Variants in AHR observed in about 807,000 individuals in gnomAD.
AHR encodes AH-receptor.
In AHR, 40 loss-of-function variants were observed where a neutral mutation model predicts 86.8. The ratio of observed to expected loss-of-function variants is 0.46; its 90% confidence interval spans 0.36 to 0.60. The LOEUF (loss-of-function observed/expected upper bound fraction) is 0.60. AHR is among the 20% of genes least tolerant of loss of function. The pLI, the probability that AHR is intolerant of heterozygous loss-of-function variation, is 0.00. For synonymous variants in AHR, 398 were observed against 354.9 expected (o/e 1.12, Z -1.37); for missense variants, 1,001 against 1,011.6 (o/e 0.99, Z 0.14).
chr7:17,330,231 G>T (rs959157337), intron 5 of AHR, among the ~76,000 whole-genome samples, 156 bp downstream of exon 5: 1 of 151,860 alleles, frequency 6.6e-6, no homozygotes, highest in African/African-American at 2.4e-5. Context: ...GTCACAAAGA[G>T]CCTGATGAGC....
Position 17,334,110 on chromosome 7 carries a change from G to A in AHR, c.904G>A (p.Ala302Thr). ...KLDFTPIGCD[A>T]KGRIVLGYTE... ...AGACTTCACACCTATTGGTTGTGATGCCAAGTAAGTGAGACTTTTTCACTT... is the reference window on the plus strand; with the variant it reads ...AGACTTCACACCTATTGGTTGTGATACCAAGTAAGTGAGACTTTTTCACTT... Residue 302 changes from alanine to threonine, a missense_variant, in exon 7 of 11, where the codon GCC becomes ACC. Around this residue, in one of 2 missense-constraint regions of AHR, gnomAD observed 394 missense variants for 468.5 expected, o/e 0.84. Coordinates refer to ENST00000242057, the MANE Select transcript of AHR (RefSeq NM_001621.5). 1 of 1,611,578 alleles carries A rather than the reference G, an allele frequency of 6.2e-7. No individual in the cohort carries two copies. The highest frequency in any genetic ancestry group is 8.5e-7 in the Non-Finnish European group (1 of 1,178,010).
chr7:17,322,393 T>G, intron 2 of AHR, 108 bp from the exon 3 acceptor site: 1 of 687,490 alleles, frequency 1.5e-6, no homozygotes, highest in South Asian at 1.9e-5. Flanking sequence ...AAAATACCAG[T>G]GGATGCCAGT....
At chr7:17,314,142 A>G (rs1782093001) in intron 2 of AHR, among the ~76,000 whole-genome samples, 1 of 152,112 alleles carries the variant, frequency 6.6e-6, no homozygotes, top group Admixed American at 6.6e-5. Flanking sequence ...GTTTACATAC[A>G]AACACCTAAT....
chr7:17,337,761 C>T (rs1782370220), intron 9 of AHR, among the ~76,000 whole-genome samples: 2 of 151,752 alleles, frequency 1.3e-5, no homozygotes, highest in Admixed American at 1.3e-4. Context: ...AGGCGTGAGC[C>T]ACCGCGCCCG....
chr7:17,340,099 A>G lies in AHR; in HGVS notation c.2274A>G (p.Ile758Met), dbSNP rs1373428541. 2.5e-6 allele frequency: 4 copies of G among 1,614,072 alleles called. No homozygotes were observed. In the African/African-American group the frequency reaches 5.3e-5, roughly 22 times the overall value. Residue 758 changes from isoleucine to methionine, a missense_variant, in exon 10 of 11, where the codon ATA becomes ATG. This residue lies in a region of AHR where 607 missense variants were observed against 543.1 expected (regional missense o/e 1.12). Transcript: ENST00000242057. ...ATGGATTAAATCCACAGTCAGCCAT[A>G]ATAACTCCTCAGACATGTTATGCTG... The part of the protein sequence containing the change: ...QKHGLNPQSA[I>M]ITPQTCYAGA...
Position 17,327,849 on chromosome 7 carries a change from G to T in AHR, c.450+1G>T. The T allele has an allele frequency of 2.8e-6, 4 of 1,404,346 alleles. No homozygotes were observed. The highest frequency in any genetic ancestry group is 3.9e-6 in the Non-Finnish European group (4 of 1,030,808). The allele number at this position is 1,404,346 out of a possible 1,614,324, so 87.0% of individuals were successfully genotyped here. ...ACAAGATTATCTAGGGTTTCAGCAG[G>T]TAAGTATATATTATTTATATCATTT... On this transcript the variant is annotated splice_donor_variant, in intron 4 of 10. Coordinates refer to ENST00000242057, the MANE Select transcript of AHR (RefSeq NM_001621.5). LOFTEE classifies it high-confidence loss of function.
rs200221005 is a variant in AHR, at chr7:17,340,130, G to C, written c.2305G>C (p.Val769Leu). Reference sequence around the variant, plus strand: ...TCCTCAGACATGTTATGCTGGGGCCGTGTCGATGTATCAGTGCCAGCCAGA... The same window carrying C: ...TCCTCAGACATGTTATGCTGGGGCCCTGTCGATGTATCAGTGCCAGCCAGA... ...ITPQTCYAGA[V>L]SMYQCQPEPQ... The change falls in exon 10 of 11, where the codon GTG (valine) becomes CTG (leucine). Residue 769 changes from valine to leucine, a missense_variant. Val to Leu is a conservative substitution (Grantham distance 32). Transcript: ENST00000242057. The C allele has an allele frequency of 6.2e-7, 1 of 1,614,190 alleles. No individual in the cohort carries two copies. Among genetic ancestry groups the C allele is most frequent in the Admixed American group, 1.7e-5 (1 of 60,026 alleles).
At chr7:17,334,477 C>CA (rs1782334197) in intron 7 of AHR, among the ~76,000 whole-genome samples, 1 of 151,956 alleles carries the variant, frequency 6.6e-6, no homozygotes, top group Non-Finnish European at 1.5e-5. Context: ...TGATATTAAA[C>CA]ATTTATATCA....
chr7:17,335,232 T>A (rs980782766), intron 8 of AHR, among the ~76,000 whole-genome samples: 24 of 151,992 alleles, frequency 1.6e-4, no homozygotes, highest in African/African-American at 5.8e-4. Context: ...GCCCATGAAG[T>A]TTTGCTTGGG....
At chr7:17,316,201 G>T (rs189346616) in intron 2 of AHR, among the ~76,000 whole-genome samples, 2 of 152,334 alleles carry the variant, frequency 1.3e-5, no homozygotes, top group South Asian at 4.1e-4. Flanking sequence ...TGAAATGAAA[G>T]TGTAAACTGA....
In AHR at chr7:17,298,721, CAGCCGTGT is replaced by C. The variant is rs1781916022; in HGVS notation, c.-538_-531del. The C allele has an allele frequency of 2.5e-6, 1 of 397,158 alleles. No homozygotes were observed. Among genetic ancestry groups the C allele is most frequent in the South Asian group, 1.3e-4 (1 of 7,662 alleles). 24.6% of individuals were successfully genotyped at this position (397,158 alleles called of 1,614,324 possible). A position where few individuals can be genotyped will look rare whatever the true frequency, so the allele number is the denominator to read the frequency against. On this transcript the variant is annotated 5_prime_UTR_variant, in exon 1 of 11. Coordinates refer to ENST00000242057, the MANE Select transcript of AHR (RefSeq NM_001621.5). Reference sequence around the variant, plus strand: ...CCGGACCGCCAGCTCAGAACAGGGGCAGCCGTGTAGCCGAACGGAAGCTGGGAGCAGCC... The same window carrying C: ...CCGGACCGCCAGCTCAGAACAGGGGCAGCCGAACGGAAGCTGGGAGCAGCC...
At chr7:17,335,961 T>A (rs1296426838) in intron 9 of AHR, 175 bp downstream of exon 9, 28 of 602,976 alleles carry the variant, frequency 4.6e-5, no homozygotes, top group Non-Finnish European at 5.5e-5. Flanking sequence ...TTGACGAACT[T>A]GATTGAGAGC....
At chr7:17,304,244 G>A (rs1781983295) in intron 1 of AHR, among the ~76,000 whole-genome samples, 1 of 152,066 alleles carries the variant, frequency 6.6e-6, no homozygotes, top group Admixed American at 6.6e-5. Context: ...TTTTAGTGCT[G>A]TCTTGTCTCA....
At chr7:17,337,374 C>T (rs1334760259) in intron 9 of AHR, among the ~76,000 whole-genome samples, 4 of 151,508 alleles carry the variant, frequency 2.6e-5, no homozygotes, top group African/African-American at 9.7e-5. Context: ...TAATTGTGTT[C>T]ATATTTGTAT....
intron 4 of AHR, among the ~76,000 whole-genome samples, chr7:17,329,349 G>T (rs1335199178): frequency 1.3e-5 from 2 of 151,804 alleles, no homozygotes; most frequent in African/African-American, 2.4e-5. Context: ...AGATGGAAAT[G>T]TATTTTTTAT....
Position 17,339,038 on chromosome 7 carries a change from A to C in AHR, c.1213A>C (p.Met405Leu). The change falls in exon 10 of 11, where the codon ATG becomes CTG. Residue 405 changes from methionine (M) to leucine (L), a missense_variant. Met to Leu is a conservative substitution (Grantham distance 15). Transcript: ENST00000242057. Reference sequence around the variant, plus strand: ...AAAACGAAATACGAAGTTGCCTTTTATGTTTACCACTGGAGAAGCTGTGTT... The same window carrying C: ...AAAACGAAATACGAAGTTGCCTTTTCTGTTTACCACTGGAGAAGCTGTGTT... The part of the protein sequence containing the change: ...LRKRNTKLPF[M>L]FTTGEAVLYE... 6.2e-7 allele frequency: 1 copy of C among 1,614,146 alleles called. No individual in the cohort carries two copies. Among genetic ancestry groups the C allele is most frequent in the Admixed American group, 1.7e-5 (1 of 60,014 alleles).
chr7:17,327,862 A>G lies in AHR; in HGVS notation c.450+14A>G, dbSNP rs1461579831. 2.8e-6 allele frequency: 3 copies of G among 1,073,962 alleles called. No homozygotes were observed. The highest frequency in any genetic ancestry group is 2.6e-5 in the South Asian group (1 of 38,440). The allele number at this position is 1,073,962 out of a possible 1,614,324, so 66.5% of individuals were successfully genotyped here. ...GGGTTTCAGCAGGTAAGTATATATT[A>G]TTTATATCATTTATATTATTATATC... On this transcript the variant is annotated intron_variant, in intron 4 of 10. Coordinates refer to ENST00000242057, the MANE Select transcript of AHR (RefSeq NM_001621.5).
In AHR at chr7:17,337,965, C is replaced by T. The variant is rs189881997; in HGVS notation, c.1161-1021C>T. Among the ~76,000 whole-genome samples the T allele has an allele frequency of 1.4e-3, 215 of 150,672 alleles. 4 individuals are homozygous for T. In the East Asian group the frequency reaches 0.037, roughly 26 times the overall value. On this transcript the variant is annotated intron_variant, in intron 9 of 10. Coordinates refer to ENST00000242057, the MANE Select transcript of AHR (RefSeq NM_001621.5). ...TATTTTCTTTAAAAATTCTATTGCC[C>T]GAGGCGGGCGGATCACGAGGTCAGG...
At chr7:17,337,706 A>C (rs1244193671) in intron 9 of AHR, among the ~76,000 whole-genome samples, 1 of 148,002 alleles carries the variant, frequency 6.8e-6, no homozygotes, top group Admixed American at 6.7e-5. Flanking sequence ...CAATCTCCTG[A>C]CCTCGTGATC....
Sources: gnomAD v4.1 joint callset for allele counts (sites outside exome capture counted in the v4.1 genomes callset) on GRCh38, gnomAD v4.1.1 for gene constraint, gnomAD v4.1.1 regional missense constraint, MANE v1.5 for transcripts, NCBI Gene and HGNC (gene_info 2026-07-23, HGNC 2026-07-21) for gene names.